Variants in SHISAL2A observed in about 807,000 individuals in gnomAD.
SHISAL2A encodes shisa like 2A.
In SHISAL2A, 18 loss-of-function variants were observed where a neutral mutation model predicts 11.5. The ratio of observed to expected loss-of-function variants is 1.57; its 90% CI spans 1.08 to 2.33. The LOEUF (loss-of-function observed/expected upper bound fraction) is 2.33, where lower values mean the gene tolerates loss of function less well. Among genes scored for constraint, SHISAL2A ranks in the 30% most tolerant of loss-of-function variants. The pLI is 0.00. For synonymous variants in SHISAL2A, 94 were observed against 99.6 expected (o/e 0.94, Z 0.34); for missense variants, 261 against 250.9 (o/e 1.04, Z -0.27).
intron 2 of SHISAL2A, among the ~76,000 whole-genome samples, chr1:52,650,135 A>G (rs1316943321): frequency 2.0e-5 from 3 of 152,182 alleles, no homozygotes; most frequent in Non-Finnish European, 4.4e-5. Flanking sequence ...CCCAGAGCCC[A>G]CTGCTTTTTA....
intron 1 of SHISAL2A, among the ~76,000 whole-genome samples, chr1:52,637,776 C>T (rs1412670348): frequency 6.6e-6 from 1 of 152,170 alleles, no homozygotes; most frequent in Non-Finnish European, 1.5e-5. Context: ...AGGATTTGAA[C>T]TTAGAACTAC....
intron 2 of SHISAL2A, among the ~76,000 whole-genome samples, chr1:52,651,184 C>T (rs556240846): frequency 6.6e-6 from 1 of 151,944 alleles, no homozygotes; most frequent in African/African-American, 2.4e-5. Flanking sequence ...TCCTGAGGGT[C>T]CCCAAACATA....
intron 2 of SHISAL2A, among the ~76,000 whole-genome samples, chr1:52,653,067 C>A (rs1158877571): frequency 1.4e-5 from 2 of 142,746 alleles, no homozygotes; most frequent in African/African-American, 5.2e-5. Flanking sequence ...ATATATACTA[C>A]TAACAAAAAA....
In SHISAL2A at chr1:52,635,087, C is replaced by A. The variant is rs141589756; in HGVS notation, c.182+1412C>A. Among the ~76,000 whole-genome samples, 144 of 152,212 alleles carry A rather than the reference C, an allele frequency of 9.5e-4. 1 individual carries two copies. The highest frequency in any genetic ancestry group is 3.3e-3 in the African/African-American group (137 of 41,524). The stretch of plus-strand genomic sequence containing the variant: ...TTTTCTGTTCATCCATATATTCATT[C>A]ATTCATTCATTCATTCTAGCCTTTA... On this transcript the variant is annotated intron_variant, in intron 1 of 2. Coordinates refer to ENST00000517870, the MANE Select transcript of SHISAL2A (RefSeq NM_001042693.3).
At chr1:52,634,695 G>C (rs920089409) in intron 1 of SHISAL2A, among the ~76,000 whole-genome samples, 2 of 152,194 alleles carry the variant, frequency 1.3e-5, no homozygotes, top group Non-Finnish European at 2.9e-5. Flanking sequence ...AGCAAAAATT[G>C]AGTGGGCCAT....
chr1:52,650,803 C>T lies in SHISAL2A; in HGVS notation c.323-5987C>T, dbSNP rs528643663. ...GAGGCTACAGGCACCTGCCACCACA[C>T]CCGGCTAATTTTTGTATTTTTAATA... On this transcript the variant is annotated intron_variant, in intron 2 of 2. Coordinates refer to ENST00000517870, the MANE Select transcript of SHISAL2A (RefSeq NM_001042693.3). 2.0e-5 allele frequency among the ~76,000 whole-genome samples: 3 copies of T among 151,836 alleles called. No individual in the cohort carries two copies. In the South Asian group the frequency reaches 6.3e-4, roughly 32 times the overall value.
chr1:52,656,653 T>C (rs186687693), intron 2 of SHISAL2A, 137 bp from the exon 3 acceptor site: 34 of 911,402 alleles, frequency 3.7e-5, no homozygotes, highest in Non-Finnish European at 5.1e-6. Context: ...TGTTAATAAA[T>C]ACATGTTAAA....
intron 4 of SHISAL2A, among the ~76,000 whole-genome samples, chr1:52,664,967 T>G (rs1004176947): frequency 5.9e-5 from 9 of 152,254 alleles, no homozygotes; most frequent in Admixed American, 3.3e-4. Context: ...TTTTGTATTT[T>G]TAGTAGAGAC....
At chr1:52,660,977 A>T (rs1691897101), downstream of SHISAL2A, among the ~76,000 whole-genome samples, 1 of 152,162 alleles carries the variant, frequency 6.6e-6, no homozygotes, top group Admixed American at 6.6e-5. Context: ...AGGTGAAAGG[A>T]GGTTTCTGGT....
chr1:52,641,876 G>A (rs949336368), intron 1 of SHISAL2A, among the ~76,000 whole-genome samples: 2 of 152,150 alleles, frequency 1.3e-5, no homozygotes, highest in African/African-American at 4.8e-5. Context: ...GCCAAAATGA[G>A]TAGATTGCTT....
chr1:52,668,612 C>G (rs1231757916), exon 6 of SHISAL2A: 1 of 152,238 alleles, frequency 6.6e-6, no homozygotes, highest in African/African-American at 2.4e-5. Context: ...CAAGTGTCAG[C>G]CACACGAATG....
In SHISAL2A at chr1:52,633,320, C is replaced by G; in HGVS notation, c.-174C>G. The G allele has an allele frequency of 3.6e-6, 2 of 561,518 alleles. No homozygotes were observed. The highest frequency in any genetic ancestry group is 7.2e-5 in the East Asian group (2 of 27,754). 34.8% of individuals were successfully genotyped at this position (561,518 alleles called of 1,614,324 possible). ...GCGGGCCGGGCACCTGGCCGCCGCT[C>G]GGTCCTCGGGGCCCCGCGCTGCTGT... On this transcript the variant is annotated 5_prime_UTR_variant, in exon 1 of 3. Transcript: ENST00000517870. This position sits in a 1 kb window ranked among gnomAD's most constrained non-coding sequence, Gnocchi z 6.4.
intron 1 of SHISAL2A, among the ~76,000 whole-genome samples, chr1:52,635,041 C>A (rs1323980850): frequency 6.6e-6 from 1 of 152,002 alleles, no homozygotes; most frequent in Non-Finnish European, 1.5e-5. Context: ...TATCTATAAC[C>A]CAGGGAATTA....
chr1:52,661,503 A>C (rs546493991), downstream of SHISAL2A, among the ~76,000 whole-genome samples: 3 of 152,346 alleles, frequency 2.0e-5, no homozygotes, highest in African/African-American at 7.2e-5. Flanking sequence ...CCAGGGCACA[A>C]GACAGCCAAA....
exon 6 of SHISAL2A, chr1:52,668,927 AC>A (rs1218244175): frequency 6.6e-6 from 1 of 152,148 alleles, no homozygotes; most frequent in African/African-American, 2.4e-5. Flanking sequence ...TAGTCAGGCT[AC>A]CCTGACTAAG....
chr1:52,655,864 G>A (rs1037103805), intron 2 of SHISAL2A, among the ~76,000 whole-genome samples: 3 of 152,128 alleles, frequency 2.0e-5, no homozygotes, highest in African/African-American at 7.2e-5. Context: ...TGATGGAGGG[G>A]CCCCCACTGG....
intron 4 of SHISAL2A, among the ~76,000 whole-genome samples, chr1:52,665,744 C>G (rs138307034): frequency 2.6e-5 from 4 of 152,132 alleles, no homozygotes; most frequent in South Asian, 2.1e-4. Context: ...CATCCCCCCC[C>G]ACTTCCCTGT....
At chr1:52,650,346 C>T (rs1691605583) in intron 2 of SHISAL2A, among the ~76,000 whole-genome samples, 1 of 152,168 alleles carries the variant, frequency 6.6e-6, no homozygotes, top group Non-Finnish European at 1.5e-5. Context: ...GGAGGGAAGG[C>T]ACAGCGCTGG....
intron 2 of SHISAL2A, among the ~76,000 whole-genome samples, chr1:52,647,967 C>G (rs1313912993): frequency 6.7e-6 from 1 of 150,196 alleles, no homozygotes; most frequent in Non-Finnish European, 1.5e-5. Context: ...ATGGGGGAAG[C>G]AGGTACTCTC....
Sources: allele counts gnomAD v4.1 joint callset (sites outside exome capture counted in the v4.1 genomes callset), GRCh38; gene constraint gnomAD v4.1.1; non-coding constraint Gnocchi (gnomAD v3.1); transcripts MANE v1.5; gene names NCBI Gene and HGNC (gene_info 2026-07-23, HGNC 2026-07-21).